The following RBFOX3 variants were observed in gnomAD, a reference collection of about 807,000 sequenced individuals.
RBFOX3 encodes the protein RNA binding protein fox-1 homolog 3.
RBFOX3 carries 17 observed loss-of-function variants against 48.7 expected under a neutral mutation model. The ratio of observed to expected loss-of-function variants is 0.35; its 90% confidence interval spans 0.24 to 0.52. RBFOX3 has a LOEUF of 0.52. Among genes scored for constraint, RBFOX3 ranks in the 20% least tolerant of loss-of-function variants. The pLI is 0.94. For missense variants in RBFOX3, 382 were observed against 497.5 expected, an observed-to-expected ratio of 0.77 and a Z score of 2.21; for synonymous variants, 212 against 209.5, an observed-to-expected ratio of 1.01 and a Z score of -0.10.
At chr17:79,139,496 C>G (rs2041460100) in intron 4 of RBFOX3, among the ~76,000 whole-genome samples, 1 of 152,252 alleles carries the variant, frequency 6.6e-6, no homozygotes, top group African/African-American at 2.4e-5. Flanking sequence ...GAAGAGCTCT[C>G]TGAATTAAAA....
intron 3 of RBFOX3, among the ~76,000 whole-genome samples, chr17:79,259,833 C>A (rs1021635359): frequency 7.2e-5 from 11 of 152,150 alleles, no homozygotes; most frequent in Non-Finnish European, 1.3e-4. Context: ...TACTGGGCAG[C>A]ATTTTCCCTC....
intron 4 of RBFOX3, among the ~76,000 whole-genome samples, chr17:79,202,440 C>T (rs760999879): frequency 6.6e-6 from 1 of 152,174 alleles, no homozygotes. Context: ...GAGTCTGCCA[C>T]TGCTAGGGGT....
chr17:79,253,746 C>T (rs1386362474), intron 3 of RBFOX3, among the ~76,000 whole-genome samples: 1 of 152,184 alleles, frequency 6.6e-6, no homozygotes, highest in African/African-American at 2.4e-5. Flanking sequence ...TGGCAGTGTA[C>T]CTAGCAGGGG....
Position 79,271,083 on chromosome 17 carries a change from T to TTC in RBFOX3, c.-73-35279_-73-35278insGA, listed in dbSNP as rs1555639157. Among the ~76,000 whole-genome samples the TTC allele has an allele frequency of 8.6e-5, 13 of 150,992 alleles. No homozygotes were observed. The East Asian group carries it at 1.6e-3, about 18-fold the overall frequency. On this transcript the variant is annotated intron_variant, in intron 3 of 14. Transcript: ENST00000693108. Reference sequence around the variant, plus strand: ...TTTCTTAAAAATTCATAAGATTTTTTTTTTTTTTTGAGACGGAGTTTTGCT... The same window carrying TTC: ...TTTCTTAAAAATTCATAAGATTTTTTTCTTTTTTTTTGAGACGGAGTTTTGCT...
chr17:79,145,087 CG>C (rs1402583291), intron 4 of RBFOX3, among the ~76,000 whole-genome samples: 1 of 152,116 alleles, frequency 6.6e-6, no homozygotes, highest in Non-Finnish European at 1.5e-5. Flanking sequence ...GGTCCTTAGT[CG>C]CTGCCTGTCC....
chr17:79,158,641 A>T (rs960871073), intron 4 of RBFOX3, among the ~76,000 whole-genome samples: 1 of 152,200 alleles, frequency 6.6e-6, no homozygotes, highest in Non-Finnish European at 1.5e-5. Flanking sequence ...ACGCCCGACC[A>T]AGGCTGGCAA....
intron 2 of RBFOX3, among the ~76,000 whole-genome samples, chr17:79,386,572 A>G (rs2060597416): frequency 1.3e-5 from 2 of 152,218 alleles, no homozygotes; most frequent in South Asian, 4.1e-4. Context: ...GGAGCCCCCA[A>G]GTGTTCTGTT....
intron 2 of RBFOX3, among the ~76,000 whole-genome samples, chr17:79,468,082 A>C (rs2076552105): frequency 6.6e-6 from 1 of 152,136 alleles, no homozygotes; most frequent in South Asian, 2.1e-4. Context: ...AGGAGCTGAG[A>C]GACTGGTTAA....
At chr17:79,466,715 G>A (rs1203854466) in intron 2 of RBFOX3, among the ~76,000 whole-genome samples, 12 of 152,318 alleles carry the variant, frequency 7.9e-5, no homozygotes, top group African/African-American at 2.6e-4. Context: ...TTTTTCTCCC[G>A]GGCGGCAGGC....
intron 1 of RBFOX3, among the ~76,000 whole-genome samples, chr17:79,542,994 G>A (rs782333953): frequency 5.9e-5 from 9 of 152,136 alleles, no homozygotes; most frequent in Non-Finnish European, 1.0e-4. Flanking sequence ...GCTCTCTCCC[G>A]TGGCCGGTGG....
At chr17:79,626,682 C>T in the RBFOX3 span, among the ~76,000 whole-genome samples, 2 of 152,240 alleles carry the variant, frequency 1.3e-5, no homozygotes, top group Non-Finnish European at 2.9e-5. Flanking sequence ...GCTCCAGCTC[C>T]CGGGTCACAC....
In RBFOX3 at chr17:79,109,013, C is replaced by T. The variant is rs191296745; in HGVS notation, c.223-2225G>A. ...GCGTGGGAACCGCTGTCCCGATGCT[C>T]ACCTGGGCATGCGCTGCAGGACCTG... On this transcript the variant is annotated intron_variant, in intron 5 of 14. Coordinates refer to ENST00000693108, the MANE Select transcript of RBFOX3 (RefSeq NM_001350451.2). Among the ~76,000 whole-genome samples the T allele has an allele frequency of 4.3e-3, 650 of 152,392 alleles. 3 individuals carry two copies. The highest frequency in any genetic ancestry group is 0.014 in the Middle Eastern group (4 of 294).
chr17:79,169,750 A>G (rs1270623755), intron 4 of RBFOX3, among the ~76,000 whole-genome samples: 2 of 152,238 alleles, frequency 1.3e-5, no homozygotes, highest in African/African-American at 4.8e-5. Context: ...GCCACTGGGC[A>G]TGGTATTCTT....
At chr17:79,449,923 T>G (rs144270786) in intron 2 of RBFOX3, among the ~76,000 whole-genome samples, 1 of 152,274 alleles carries the variant, frequency 6.6e-6, no homozygotes, top group Non-Finnish European at 1.5e-5. Context: ...GCCCGCTCGT[T>G]AATTAATCAC....
At chr17:79,138,419 C>T (rs967356678) in intron 4 of RBFOX3, among the ~76,000 whole-genome samples, 2 of 152,018 alleles carry the variant, frequency 1.3e-5, no homozygotes, top group African/African-American at 4.8e-5. Context: ...TGAACACTCA[C>T]TCCACACTCT....
At chr17:79,160,650 CCATTCATT>C (rs111882020) in intron 4 of RBFOX3, among the ~76,000 whole-genome samples, 3,893 of 152,214 alleles carry the variant, frequency 0.026, 136 homozygotes, top group African/African-American at 0.087. Context: ...TGGGATTCCC[CCATTCATT>C]CATTCATTCA....
intron 2 of RBFOX3, among the ~76,000 whole-genome samples, chr17:79,415,979 A>G (rs1445751845): frequency 6.6e-6 from 1 of 152,102 alleles, no homozygotes; most frequent in Admixed American, 6.5e-5. Context: ...CTCCACTGAC[A>G]TGGGCCCCAG....
intron 2 of RBFOX3, among the ~76,000 whole-genome samples, chr17:79,330,813 T>A (rs2080162018): frequency 6.6e-6 from 1 of 152,196 alleles, no homozygotes; most frequent in Non-Finnish European, 1.5e-5. Flanking sequence ...GGATGGACCC[T>A]CCCTTCGGAG....
At chr17:79,653,494 G>A in the RBFOX3 span, among the ~76,000 whole-genome samples, 847 of 152,320 alleles carry the variant, frequency 5.6e-3, 16 homozygotes, top group Admixed American at 0.018. Flanking sequence ...AAACCTTAAT[G>A]TAGATTTAAC....
Sources: gnomAD v4.1 joint callset for allele counts (sites outside exome capture counted in the v4.1 genomes callset) on GRCh38, gnomAD v4.1.1 for gene constraint, MANE v1.5 for transcripts, NCBI Gene and HGNC (gene_info 2026-07-23, HGNC 2026-07-21) for gene names.